G3BP1: variants seen among roughly 807,000 people sequenced by gnomAD.
The protein encoded by G3BP1 is ras GTPase-activating protein-binding protein 1.
Under a neutral mutation model 58.6 loss-of-function variants are expected in G3BP1, and 35 were observed. That is an observed-to-expected ratio of 0.60 (90% CI 0.46 to 0.79). The LOEUF is 0.79. Among genes scored for constraint, G3BP1 ranks in the 30% least tolerant of loss-of-function variants. The pLI is 0.00. For missense variants in G3BP1, 523 were observed against 580.8 expected (o/e 0.90, Z 1.02); for synonymous variants, 191 against 195.4 (o/e 0.98, Z 0.19).
In G3BP1 at chr5:151,807,630, T is replaced by C. The variant is rs1762956122; in HGVS notation, c.*3539T>C. The C allele has an allele frequency of 6.6e-6, 1 of 152,216 alleles. No individual in the cohort carries two copies. The highest frequency in any genetic ancestry group is 2.4e-5 in the African/African-American group (1 of 41,450). The allele number at this position is 152,216 out of a possible 1,614,324, so 9.4% of individuals were successfully genotyped here. A position where few individuals can be genotyped will look rare whatever the true frequency, so the allele number is the denominator to read the frequency against. On this transcript the variant is annotated 3_prime_UTR_variant, in exon 12 of 12. Transcript: ENST00000356245. ...AATCTGGATGTGAATAATAATATTT[T>C]TATTATAGTATAATCCAGGTGAGTT...
At chr5:151,793,831 C>CAAAAAAAAAAA (rs751382380) in intron 4 of G3BP1, among the ~76,000 whole-genome samples, 1 of 97,834 alleles carries the variant, frequency 1.0e-5, no homozygotes, top group Non-Finnish European at 2.0e-5. Context: ...CGTCTCTACT[C>CAAAAAAAAAAA]AAAAAAAAAA....
chr5:151,785,615 C>G (rs1762543128), intron 1 of G3BP1, among the ~76,000 whole-genome samples: 1 of 152,138 alleles, frequency 6.6e-6, no homozygotes, highest in Admixed American at 6.5e-5. Flanking sequence ...TTGGTAATAG[C>G]TTACAATAAT....
In G3BP1 at chr5:151,797,171, A is replaced by AT. The variant is rs35873299; in HGVS notation, c.540-50dup. ...TTTCTGATTAATAAATGATGGAGGA[A>AT]TTTTTTGTGAAATAAATGGTGGCAG... is the stretch of plus-strand genomic sequence containing the variant. On this transcript the variant is annotated intron_variant, in intron 6 of 11. Transcript: ENST00000356245. 32 of 1,565,012 alleles carry AT rather than the reference A, an allele frequency of 2.0e-5. No homozygotes were observed. In the South Asian group the frequency reaches 2.9e-4, roughly 14 times the overall value.
At chr5:151,783,924 A>G (rs1762514735) in intron 1 of G3BP1, among the ~76,000 whole-genome samples, 1 of 151,806 alleles carries the variant, frequency 6.6e-6, no homozygotes, top group Non-Finnish European at 1.5e-5. Context: ...CACCACGGCC[A>G]GCTAATTTTT....
At chr5:151,774,344 T>G (rs77366512) in intron 1 of G3BP1, among the ~76,000 whole-genome samples, 5 of 146,754 alleles carry the variant, frequency 3.4e-5, no homozygotes, top group African/African-American at 5.0e-5. Context: ...TAACTTATGG[T>G]TTTTTTTTTT....
rs1028495884 is a variant in G3BP1 at position 151,805,136 on chromosome 5, G to C, written c.*1045G>C. On this transcript the variant is annotated 3_prime_UTR_variant, in exon 12 of 12. Coordinates refer to ENST00000356245, the MANE Select transcript of G3BP1 (RefSeq NM_005754.3). ...GTTCAGCATTTGTATTTTTATTCTGGTATCTAATCAGATTCCTAATCATAG... is the reference window on the plus strand; with the variant it reads ...GTTCAGCATTTGTATTTTTATTCTGCTATCTAATCAGATTCCTAATCATAG... 2.6e-5 allele frequency: 4 copies of C among 152,368 alleles called. No individual in the cohort carries two copies. The highest frequency in any genetic ancestry group is 4.4e-5 in the Non-Finnish European group (3 of 67,982). 9.4% of individuals were successfully genotyped at this position (152,368 alleles called of 1,614,324 possible). A position where few individuals can be genotyped will look rare whatever the true frequency, so the allele number is the denominator to read the frequency against.
intron 2 of G3BP1, chr5:151,787,697 A>G: frequency 4.4e-6 from 1 of 226,766 alleles, no homozygotes; most frequent in Non-Finnish European, 9.3e-6. Flanking sequence ...TGTTAGAATA[A>G]TTTCATAGAA....
chr5:151,773,727 G>A (rs1218223421), intron 1 of G3BP1, among the ~76,000 whole-genome samples: 1 of 152,042 alleles, frequency 6.6e-6, no homozygotes, highest in Non-Finnish European at 1.5e-5. Context: ...AACTTTGCTG[G>A]TGTGGCGATT....
intron 6 of G3BP1, among the ~76,000 whole-genome samples, chr5:151,796,187 T>C (rs10477000): frequency 0.2 from 30,913 of 152,116 alleles, 3,795 homozygotes; most frequent in African/African-American, 0.34. Context: ...CTCACTTGGG[T>C]TGCTGGTTGA....
intron 11 of G3BP1, among the ~76,000 whole-genome samples, chr5:151,802,651 G>C (rs1280214791): frequency 6.6e-6 from 1 of 151,962 alleles, no homozygotes; most frequent in African/African-American, 2.4e-5. Flanking sequence ...AATTTGAATA[G>C]AGCTGGGCAC....
At position 151,810,243 on chromosome 5, in the gene G3BP1, A is replaced by C. The variant is rs1458124037; in HGVS notation, c.*6152A>C. ...TCCTCCCGATAAGCCAGGCATTGTG[A>C]TTCCTTGGCTTCAAGTGCCTTCTGT... On this transcript the variant is annotated 3_prime_UTR_variant, in exon 12 of 12. Transcript: ENST00000356245. 6.6e-6 allele frequency: 1 copy of C among 152,192 alleles called. No individual in the cohort carries two copies. The highest frequency in any genetic ancestry group is 1.5e-5 in the Non-Finnish European group (1 of 68,054). The allele number at this position is 152,192 out of a possible 1,614,324, so 9.4% of individuals were successfully genotyped here.
intron 2 of G3BP1, among the ~76,000 whole-genome samples, chr5:151,789,069 C>G (rs961713079): frequency 6.6e-6 from 1 of 152,134 alleles, no homozygotes; most frequent in African/African-American, 2.4e-5. Flanking sequence ...GCCACCGTGC[C>G]CAGCCTTTTT....
intron 11 of G3BP1, among the ~76,000 whole-genome samples, chr5:151,802,678 A>G (rs1762873864): frequency 6.6e-6 from 1 of 152,246 alleles, no homozygotes; most frequent in African/African-American, 2.4e-5. Context: ...TCACGCCTGT[A>G]ATCCCAGCAC....
At chr5:151,784,892 G>A (rs1342191551) in intron 1 of G3BP1, among the ~76,000 whole-genome samples, 1 of 152,108 alleles carries the variant, frequency 6.6e-6, no homozygotes, top group Non-Finnish European at 1.5e-5. Context: ...GAAACTATAA[G>A]CGTATTTGAG....
At position 151,811,336 on chromosome 5, in the gene G3BP1, A is replaced by C. The variant is rs1763016030; in HGVS notation, c.*7245A>C. 2 of 152,216 alleles carry C rather than the reference A, an allele frequency of 1.3e-5. No homozygotes were observed. The highest frequency in any genetic ancestry group is 1.3e-4 in the Admixed American group (2 of 15,274). The allele number at this position is 152,216 out of a possible 1,614,324, so 9.4% of individuals were successfully genotyped here. A position where few individuals can be genotyped will look rare whatever the true frequency, so the allele number is the denominator to read the frequency against. ...GTATCTTGCCTAGCACCTATCAATA[A>C]ATACTTCTTGAATGAACAAATGAAT... On this transcript the variant is annotated 3_prime_UTR_variant, in exon 12 of 12. Coordinates refer to ENST00000356245, the MANE Select transcript of G3BP1 (RefSeq NM_005754.3).
At chr5:151,803,733 A>G in intron 11 of G3BP1, 152 bp from the exon 12 acceptor site, 1 of 552,342 alleles carries the variant, frequency 1.8e-6, no homozygotes, top group South Asian at 2.4e-5. Flanking sequence ...TGACCTCGTA[A>G]TCCACCCGTC....
At chr5:151,790,246 AG>A in intron 2 of G3BP1, 76 bp from the exon 3 acceptor site, 1 of 688,764 alleles carries the variant, frequency 1.5e-6, no homozygotes, top group Non-Finnish European at 2.4e-6. Context: ...AAAAAAAAAA[AG>A]TTTGCCAGTA....
rs1326071806 is a variant in G3BP1 at position 151,795,519 on chromosome 5, A to G, written c.483A>G (p.Gln161=). Reference sequence around the variant, plus strand: ...TAGAGGAACCTGAAGAAAGACAGCAAACACCTGAGGTGGTACCTGATGATT... The same window carrying G: ...TAGAGGAACCTGAAGAAAGACAGCAGACACCTGAGGTGGTACCTGATGATT... ...EEVEEPEERQ[Q]TPEVVPDDSG... Residue 161 remains glutamine (Q), a synonymous_variant, in exon 6 of 12, where the codon CAA becomes CAG. Transcript: ENST00000356245. 2.1e-5 allele frequency: 34 copies of G among 1,607,582 alleles called. No homozygotes were observed. The highest frequency in any genetic ancestry group is 2.6e-5 in the Non-Finnish European group (30 of 1,174,690).
Position 151,786,580 on chromosome 5 carries a change from A to C in G3BP1, c.-41A>C, listed in dbSNP as rs753463625. On this transcript the variant is annotated 5_prime_UTR_variant, in exon 2 of 12. Transcript: ENST00000356245. ...TGTGTTTGATCCTTCAGGTTTGGAC[A>C]TATTTGACTCTTTTCCCCCCAGGTT... 1.6e-6 allele frequency: 2 copies of C among 1,241,498 alleles called. No homozygotes were observed. The highest frequency in any genetic ancestry group is 2.4e-6 in the Non-Finnish European group (2 of 840,112). The allele number at this position is 1,241,498 out of a possible 1,614,324, so 76.9% of individuals were successfully genotyped here.
Sources: allele counts gnomAD v4.1 joint callset (sites outside exome capture counted in the v4.1 genomes callset), GRCh38; gene constraint gnomAD v4.1.1; transcripts MANE v1.5; gene names NCBI Gene and HGNC (gene_info 2026-07-23, HGNC 2026-07-21).